Variants in FMN2 observed in about 807,000 individuals in gnomAD.
FMN2 encodes formin 2.
FMN2 carries 51 observed loss-of-function variants against 142.3 expected under a neutral mutation model. The observed-to-expected ratio is 0.36, with a 90% CI of 0.29 to 0.45. The LOEUF is 0.45. Among genes scored for constraint, FMN2 ranks in the 20% least tolerant of loss-of-function variants. The pLI, the probability that FMN2 is intolerant of heterozygous loss-of-function variation, is 1.00. For synonymous variants in FMN2, 882 were observed against 869.8 expected (o/e 1.01, Z -0.25); for missense variants, 1,936 against 2,122.8 (o/e 0.91, Z 1.73).
At chr1:240,423,061 C>T (rs1188648047) in intron 15 of FMN2, among the ~76,000 whole-genome samples, 5 of 152,170 alleles carry the variant, frequency 3.3e-5, no homozygotes, top group Admixed American at 3.3e-4. Context: ...GCCAGTTTAT[C>T]CTCTTACCAT....
intron 6 of FMN2, among the ~76,000 whole-genome samples, chr1:240,214,550 C>CAA (rs35698298): frequency 2.5e-5 from 3 of 122,180 alleles, no homozygotes; most frequent in Non-Finnish European, 3.4e-5. Flanking sequence ...GACTCCATCT[C>CAA]AAAAAAAAAA....
intron 16 of FMN2, among the ~76,000 whole-genome samples, chr1:240,460,274 G>A (rs1676403893): frequency 6.6e-6 from 1 of 152,174 alleles, no homozygotes; most frequent in Admixed American, 6.5e-5. Flanking sequence ...CTTCAGTGTT[G>A]TAAAAGATTC....
chr1:240,144,891 G>A (rs1663372314), intron 2 of FMN2: 5 of 1,424,756 alleles, frequency 3.5e-6, no homozygotes, highest in Admixed American at 1.7e-5. Context: ...TCTCCTGCCA[G>A]GTGCCTGATA....
intron 4 of FMN2, among the ~76,000 whole-genome samples, chr1:240,203,854 A>G (rs1261846909): frequency 2.0e-5 from 3 of 152,182 alleles, no homozygotes; most frequent in African/African-American, 2.4e-5. Context: ...TTTTCCCACT[A>G]TGGGCTACTT....
intron 8 of FMN2, among the ~76,000 whole-genome samples, chr1:240,316,275 G>A (rs972762540): frequency 6.6e-6 from 1 of 152,194 alleles, no homozygotes; most frequent in African/African-American, 2.4e-5. Flanking sequence ...GTAGAAGGAT[G>A]TTCATAGAGA....
chr1:240,134,862 A>G (rs1662876682), intron 2 of FMN2, among the ~76,000 whole-genome samples: 1 of 152,084 alleles, frequency 6.6e-6, no homozygotes, highest in Non-Finnish European at 1.5e-5. Context: ...TCATGCCCCC[A>G]CATCTTTCTG....
At chr1:240,186,379 G>C (rs1487688070) in intron 3 of FMN2, among the ~76,000 whole-genome samples, 2 of 152,030 alleles carry the variant, frequency 1.3e-5, no homozygotes, top group African/African-American at 4.8e-5. Context: ...TGGATGTGGG[G>C]GACACAACAA....
At chr1:240,333,148 T>G (rs1671435408) in intron 11 of FMN2, among the ~76,000 whole-genome samples, 1 of 152,088 alleles carries the variant, frequency 6.6e-6, no homozygotes, top group Non-Finnish European at 1.5e-5. Flanking sequence ...ACTACTACTT[T>G]GGAACAATAC....
At chr1:240,161,372 A>C (rs563344876) in intron 2 of FMN2, among the ~76,000 whole-genome samples, 2 of 152,186 alleles carry the variant, frequency 1.3e-5, no homozygotes, top group East Asian at 3.9e-4. Flanking sequence ...CTCTACTAAA[A>C]ATAGAAAACA....
At chr1:240,193,114 TG>T (rs1665774009) in intron 4 of FMN2, among the ~76,000 whole-genome samples, 1 of 152,192 alleles carries the variant, frequency 6.6e-6, no homozygotes, top group Non-Finnish European at 1.5e-5. Context: ...GAGTTTTAGA[TG>T]GTGTAAAACT....
chr1:240,432,734 T>A (rs115711834), intron 15 of FMN2, among the ~76,000 whole-genome samples: 2,023 of 152,196 alleles, frequency 0.013, 50 homozygotes, highest in African/African-American at 0.044. Context: ...TTAGGATTTC[T>A]TTTTGATCCA....
chr1:240,278,583 T>G (rs577352909), intron 7 of FMN2, among the ~76,000 whole-genome samples: 22 of 152,266 alleles, frequency 1.4e-4, no homozygotes, highest in Non-Finnish European at 3.2e-4. Context: ...TTGATATTCC[T>G]TAGGAATTTT....
intron 3 of FMN2, among the ~76,000 whole-genome samples, chr1:240,184,051 C>T (rs11579347): frequency 0.19 from 28,116 of 151,696 alleles, 2,726 homozygotes; most frequent in Middle Eastern, 0.31. Context: ...ATATCCCGCT[C>T]ATTGTCTTAC....
intron 2 of FMN2, among the ~76,000 whole-genome samples, chr1:240,161,887 T>A (rs1416030774): frequency 3.9e-5 from 6 of 152,142 alleles, no homozygotes; most frequent in Admixed American, 3.9e-4. Flanking sequence ...ATGGGAGGTA[T>A]CTTGTTGCTT....
chr1:240,394,413 G>A (rs1558469110), intron 15 of FMN2, among the ~76,000 whole-genome samples: 1 of 152,146 alleles, frequency 6.6e-6, no homozygotes, highest in Non-Finnish European at 1.5e-5. Context: ...GCTGAAATAG[G>A]TGAGGAAACT....
chr1:240,136,558 T>A (rs116832355), intron 2 of FMN2, among the ~76,000 whole-genome samples: 1,775 of 152,298 alleles, frequency 0.012, 38 homozygotes, highest in African/African-American at 0.041. Flanking sequence ...TACTTTTTTT[T>A]AATCACCCAT....
At chr1:240,259,714 G>A (rs1668566684) in intron 7 of FMN2, among the ~76,000 whole-genome samples, 1 of 151,940 alleles carries the variant, frequency 6.6e-6, no homozygotes, top group African/African-American at 2.4e-5. Flanking sequence ...TATAGAAGTG[G>A]CCACAGAATT....
intron 14 of FMN2, among the ~76,000 whole-genome samples, chr1:240,390,313 C>G (rs1218590180): frequency 6.6e-6 from 1 of 152,050 alleles, no homozygotes; most frequent in African/African-American, 2.4e-5. Context: ...TGTGATATGG[C>G]TATTAGGTTT....
At chr1:240,254,080 A>T (rs985736858) in intron 6 of FMN2, among the ~76,000 whole-genome samples, 14 of 151,742 alleles carry the variant, frequency 9.2e-5, no homozygotes, top group Admixed American at 7.9e-4. Flanking sequence ...GGCCAGTTGG[A>T]CCTCCAGGTG....
Sources: gnomAD v4.1 joint callset for allele counts (sites outside exome capture counted in the v4.1 genomes callset) on GRCh38, gnomAD v4.1.1 for gene constraint, MANE v1.5 for transcripts, NCBI Gene and HGNC (gene_info 2026-07-23, HGNC 2026-07-21) for gene names.